Variants in CACNA1C observed in about 807,000 individuals in gnomAD.
The protein encoded by CACNA1C is voltage-dependent L-type calcium channel subunit alpha-1C.
In CACNA1C, 30 loss-of-function variants were observed where a neutral mutation model predicts 229.0. The observed-to-expected ratio is 0.13, with a 90% CI of 0.10 to 0.18. The LOEUF is 0.18. CACNA1C is among the 10% of genes least tolerant of loss of function. CACNA1C has a pLI of 1.00. For synonymous variants in CACNA1C, 1,114 were observed against 1,132.5 expected (o/e 0.98, Z 0.33); for missense variants, 1,658 against 2,845.0 (o/e 0.58, Z 9.49).
intron 1 of CACNA1C, among the ~76,000 whole-genome samples, chr12:1,996,616 TAAAAAAAAAAAAAAAAAAAAAAAAAAAA>T (rs78563698): frequency 5.3e-5 from 1 of 18,832 alleles, no homozygotes; most frequent in Non-Finnish European, 9.5e-5. Flanking sequence ...GCTGATGAGC[TAAAAAAAAAAAAAAAAAAAAAAAAAAAA>T]AAAAAAAAAA....
chr12:2,315,317 T>C (rs1168728455), intron 3 of CACNA1C, among the ~76,000 whole-genome samples: 1 of 152,244 alleles, frequency 6.6e-6, no homozygotes, highest in African/African-American at 2.4e-5. Context: ...GCTTTCCTTT[T>C]GTGCCAACAA....
chr12:2,003,923 T>C (rs988178125), intron 1 of CACNA1C, among the ~76,000 whole-genome samples: 2 of 152,084 alleles, frequency 1.3e-5, no homozygotes, highest in African/African-American at 4.8e-5. Context: ...AGCCACAGAT[T>C]CACTGTAACA....
chr12:2,135,490 G>A (rs11611894), intron 3 of CACNA1C, among the ~76,000 whole-genome samples: 38,263 of 127,848 alleles, frequency 0.3, 7,465 homozygotes, highest in East Asian at 0.48. Flanking sequence ...TTTTTGGTGT[G>A]GATGTCCTTT....
At chr12:2,111,502 T>C (rs1360801610) in intron 1 of CACNA1C, among the ~76,000 whole-genome samples, 1 of 144,166 alleles carries the variant, frequency 6.9e-6, no homozygotes, top group Non-Finnish European at 1.5e-5. Flanking sequence ...CCGTATGAGA[T>C]GGGGGGATTA....
Position 2,493,778 on chromosome 12 carries a change from T to C in CACNA1C, c.1113+392T>C, listed in dbSNP as rs1173442998. On this transcript the variant is annotated intron_variant, in intron 7 of 46. Transcript: ENST00000399655. The surrounding 1 kb of genome is among the most constrained non-coding windows in gnomAD (Gnocchi z 4.6). ...CTCAAAAGGGAGCTAGAAGGCAGAA[T>C]TATGTATTCTTAGGGCAGAAGAGAA... Among the ~76,000 whole-genome samples the C allele has an allele frequency of 6.6e-6, 1 of 152,190 alleles. No homozygotes were observed. Among genetic ancestry groups the C allele is most frequent in the Non-Finnish European group, 1.5e-5 (1 of 68,032 alleles).
intron 9 of CACNA1C, among the ~76,000 whole-genome samples, chr12:2,542,990 G>T (rs963704967): frequency 1.3e-5 from 2 of 152,194 alleles, no homozygotes; most frequent in African/African-American, 4.8e-5. Context: ...AATACAGACT[G>T]GTCATTTTCT....
chr12:2,522,638 G>T (rs562585858), intron 9 of CACNA1C, among the ~76,000 whole-genome samples: 54 of 152,266 alleles, frequency 3.5e-4, no homozygotes, highest in African/African-American at 1.2e-3. Flanking sequence ...CCCGTAGGAG[G>T]GGTCATTGTT....
At chr12:2,261,972 C>T (rs2080420753) in intron 3 of CACNA1C, among the ~76,000 whole-genome samples, 1 of 152,228 alleles carries the variant, frequency 6.6e-6, no homozygotes. Context: ...CAGTTATCCT[C>T]ATGGGGGAGG....
chr12:2,140,535 C>T (rs938166190), intron 3 of CACNA1C, among the ~76,000 whole-genome samples: 2 of 151,432 alleles, frequency 1.3e-5, no homozygotes, highest in African/African-American at 4.8e-5. Flanking sequence ...TCTCTCTGCT[C>T]CTCACCAGCT....
At chr12:2,221,029 TC>T (rs1468785141) in intron 3 of CACNA1C, among the ~76,000 whole-genome samples, 2 of 151,910 alleles carry the variant, frequency 1.3e-5, no homozygotes, top group Non-Finnish European at 2.9e-5. Flanking sequence ...GTCAGGGAGG[TC>T]CCCTCTGGGA....
At chr12:2,144,154 G>A (rs1311571353) in intron 3 of CACNA1C, among the ~76,000 whole-genome samples, 3 of 151,294 alleles carry the variant, frequency 2.0e-5, no homozygotes, top group Non-Finnish European at 4.4e-5. Context: ...GGAAAAATTA[G>A]GAGCTATCTG....
At chr12:2,416,980 AT>A (rs1437742491) in intron 3 of CACNA1C, among the ~76,000 whole-genome samples, 2 of 152,130 alleles carry the variant, frequency 1.3e-5, no homozygotes, top group Non-Finnish European at 2.9e-5. Context: ...AGTCCTTTAG[AT>A]GTTAGTGACT....
At chr12:1,998,622 T>C (rs1466666363) in intron 1 of CACNA1C, among the ~76,000 whole-genome samples, 6 of 152,156 alleles carry the variant, frequency 3.9e-5, no homozygotes, top group African/African-American at 9.7e-5. Flanking sequence ...CCTGAGAAAA[T>C]CTGGGAGAGG....
chr12:2,427,359 T>A (rs2099042209), intron 3 of CACNA1C, among the ~76,000 whole-genome samples: 1 of 152,230 alleles, frequency 6.6e-6, no homozygotes, highest in Non-Finnish European at 1.5e-5. Context: ...TGATCATTGT[T>A]ATTTTTAATA....
At position 2,152,983 on chromosome 12, in the gene CACNA1C, G is replaced by A. The variant is rs77196101; in HGVS notation, c.477+32553G>A. Among the ~76,000 whole-genome samples the A allele has an allele frequency of 6.6e-6, 1 of 152,166 alleles. No individual in the cohort carries two copies. Among genetic ancestry groups the A allele is most frequent in the African/African-American group, 2.4e-5 (1 of 41,418 alleles). ...AATTGGGAGGTGAAAGCTCAAGGAG[G>A]TAGTTACAAAGCAAAGGAAAACAAA... On this transcript the variant is annotated intron_variant, in intron 3 of 46. Transcript: ENST00000399655. This position sits in a 1 kb window ranked among gnomAD's most constrained non-coding sequence, Gnocchi z 4.2.
At chr12:2,203,700 T>C (rs1318134072) in intron 3 of CACNA1C, among the ~76,000 whole-genome samples, 1 of 152,178 alleles carries the variant, frequency 6.6e-6, no homozygotes, top group Admixed American at 6.5e-5. Context: ...CAGCCCCTCA[T>C]GGCTTCACTC....
Position 2,606,770 on chromosome 12 carries a change from C to T in CACNA1C, c.3209+107C>T, listed in dbSNP as rs990457762. 3.9e-6 allele frequency: 4 copies of T among 1,024,284 alleles called. No individual in the cohort carries two copies. In the South Asian group the frequency reaches 4.4e-5, roughly 11 times the overall value. 63.4% of individuals were successfully genotyped at this position (1,024,284 alleles called of 1,614,324 possible). A position where few individuals can be genotyped will look rare whatever the true frequency, so the allele number is the denominator to read the frequency against. On this transcript the variant is annotated intron_variant, in intron 25 of 46. Coordinates refer to ENST00000399655, the MANE Select transcript of CACNA1C (RefSeq NM_000719.7). ...CTCATTTTCTAAGACTGCAGTGGCA[C>T]CTGCGCTCTGCCTGTGTGTCATCTG... is the stretch of plus-strand genomic sequence containing the variant.
chr12:2,068,284 C>T (rs1486359922), intron 1 of CACNA1C, among the ~76,000 whole-genome samples: 3 of 152,184 alleles, frequency 2.0e-5, no homozygotes, highest in Non-Finnish European at 2.9e-5. Flanking sequence ...AGGTACCCCC[C>T]AGACCCTGCC....
At chr12:2,101,248 C>T (rs925222340) in intron 1 of CACNA1C, among the ~76,000 whole-genome samples, 3 of 152,162 alleles carry the variant, frequency 2.0e-5, no homozygotes, top group Non-Finnish European at 2.9e-5. Flanking sequence ...CACACCGTGA[C>T]GAGTACCCAG....
Sources: allele counts gnomAD v4.1 joint callset (sites outside exome capture counted in the v4.1 genomes callset), GRCh38; gene constraint gnomAD v4.1.1; non-coding constraint Gnocchi (gnomAD v3.1); transcripts MANE v1.5; gene names NCBI Gene and HGNC (gene_info 2026-07-23, HGNC 2026-07-21).